Variants in YAP1 observed in about 807,000 individuals in gnomAD.
The protein encoded by YAP1 is Yes1 associated transcriptional regulator.
In YAP1, 5 loss-of-function variants were observed where a neutral mutation model predicts 56.9. The ratio of observed to expected loss-of-function variants is 0.09; its 90% confidence interval spans 0.05 to 0.18. YAP1 has a LOEUF of 0.18. YAP1 is among the 10% of genes least tolerant of loss of function. The probability of loss-of-function intolerance (pLI) is 1.00; values close to 1 mark genes in which losing one functional copy is unlikely to be tolerated. For synonymous variants in YAP1, 265 were observed against 248.1 expected (o/e 1.07, Z -0.64); for missense variants, 539 against 651.8 (o/e 0.83, Z 1.88).
Position 102,110,634 on chromosome 11 carries a change from G to C in YAP1, c.-215G>C, listed in dbSNP as rs1942828681. On this transcript the variant is annotated 5_prime_UTR_variant, in exon 1 of 9. Transcript: ENST00000282441. ...TCGCAGCCCCTCCCGAGGCGCAGCCGCCAGACCAGTGGAGCCGGGGCGCAG... is the reference window on the plus strand; with the variant it reads ...TCGCAGCCCCTCCCGAGGCGCAGCCCCCAGACCAGTGGAGCCGGGGCGCAG... 1 of 279,966 alleles carries C rather than the reference G, an allele frequency of 3.6e-6. No individual in the cohort carries two copies. The highest frequency in any genetic ancestry group is 1.6e-4 in the South Asian group (1 of 6,336). The allele number at this position is 279,966 out of a possible 1,614,324, so 17.3% of individuals were successfully genotyped here.
rs571365925 is a variant in YAP1 at position 102,198,651 on chromosome 11, G to C, written c.803-7242G>C. 1.2e-4 allele frequency among the ~76,000 whole-genome samples: 18 copies of C among 152,030 alleles called. No individual in the cohort carries two copies. The East Asian group carries it at 3.5e-3, about 29-fold the overall frequency. On this transcript the variant is annotated intron_variant, in intron 4 of 8. Coordinates refer to ENST00000282441, the MANE Select transcript of YAP1 (RefSeq NM_001130145.3). The stretch of plus-strand genomic sequence containing the variant: ...TTGGTGTTTTGCTTTTTTATTGCTT[G>C]GAACCAAAAACACTTTTCCCCAATA...
At chr11:102,229,622 C>A in intron 8 of YAP1, 80 bp from the exon 9 acceptor site, 2 of 1,332,448 alleles carry the variant, frequency 1.5e-6, no homozygotes, top group African/African-American at 1.5e-5. Flanking sequence ...TTTCCCTGTG[C>A]ATTTCTCTGT....
At position 102,225,762 on chromosome 11, in the gene YAP1, A is replaced by G. The variant is rs560597627; in HGVS notation, c.1164-1707A>G. Reference sequence around the variant, plus strand: ...ATCTGAGTTCATATAGCCCCTAAATATGATTCATTAGTATATTTGTTCATT... The same window carrying G: ...ATCTGAGTTCATATAGCCCCTAAATGTGATTCATTAGTATATTTGTTCATT... On this transcript the variant is annotated intron_variant, in intron 7 of 8. Transcript: ENST00000282441. Among the ~76,000 whole-genome samples, 4 of 152,276 alleles carry G rather than the reference A, an allele frequency of 2.6e-5. No individual in the cohort carries two copies. In the South Asian group the frequency reaches 8.3e-4, roughly 32 times the overall value.
At chr11:102,145,599 A>G (rs1945279952) in intron 2 of YAP1, among the ~76,000 whole-genome samples, 1 of 152,234 alleles carries the variant, frequency 6.6e-6, no homozygotes. Flanking sequence ...TATTGAACTG[A>G]GAAAAAAATT....
intron 2 of YAP1, among the ~76,000 whole-genome samples, chr11:102,144,384 T>G (rs1945199019): frequency 6.6e-6 from 1 of 152,218 alleles, no homozygotes; most frequent in Non-Finnish European, 1.5e-5. Flanking sequence ...GTAAAGAAAG[T>G]TACCTTATGC....
chr11:102,165,779 A>C (rs577460789), intron 3 of YAP1, among the ~76,000 whole-genome samples: 2 of 152,238 alleles, frequency 1.3e-5, no homozygotes, highest in South Asian at 4.1e-4. Flanking sequence ...GATAACTGAC[A>C]GATAGGATAA....
chr11:102,212,504 T>C (rs903618418), intron 6 of YAP1, among the ~76,000 whole-genome samples: 1 of 152,236 alleles, frequency 6.6e-6, no homozygotes, highest in Non-Finnish European at 1.5e-5. Context: ...ATTATCACCT[T>C]AATTTATTAT....
At chr11:102,215,091 T>C (rs1323747643) in intron 6 of YAP1, among the ~76,000 whole-genome samples, 1 of 152,232 alleles carries the variant, frequency 6.6e-6, no homozygotes, top group Non-Finnish European at 1.5e-5. Flanking sequence ...TTAATGACTT[T>C]AGAAATAATA....
In YAP1 at chr11:102,114,337, C is replaced by G; in HGVS notation, c.515C>G (p.Pro172Arg). Residue 172 changes from proline (P) to arginine (R), a missense_variant, in exon 2 of 9, where the codon CCT (proline) becomes CGT (arginine). Transcript: ENST00000282441. ...TCTTTTGAGATACCTGATGATGTAC[C>G]TCTGCCAGCAGGTTGGGAGATGGCA... ...QSSFEIPDDVPLPAGWEMAKT... is the reference protein window; with the variant it reads ...QSSFEIPDDVRLPAGWEMAKT... 1 of 1,614,152 alleles carries G rather than the reference C, an allele frequency of 6.2e-7. No individual in the cohort carries two copies. Among genetic ancestry groups the G allele is most frequent in the Non-Finnish European group, 8.5e-7 (1 of 1,180,002 alleles).
intron 2 of YAP1, among the ~76,000 whole-genome samples, chr11:102,156,732 C>T (rs567760153): frequency 2.6e-5 from 4 of 152,244 alleles, no homozygotes; most frequent in South Asian, 2.1e-4. Flanking sequence ...TTTTGCTGAA[C>T]GTAACTTCAG....
At chr11:102,151,409 T>G (rs1945650602) in intron 2 of YAP1, among the ~76,000 whole-genome samples, 1 of 152,232 alleles carries the variant, frequency 6.6e-6, no homozygotes, top group South Asian at 2.1e-4. Flanking sequence ...TTATAGATTA[T>G]TCAGCATTGC....
At chr11:102,193,381 A>G (rs985565973) in intron 4 of YAP1, among the ~76,000 whole-genome samples, 1 of 152,154 alleles carries the variant, frequency 6.6e-6, no homozygotes, top group Admixed American at 6.5e-5. Context: ...CTTTAGTTGT[A>G]TTCCTCTGTC....
intron 3 of YAP1, among the ~76,000 whole-genome samples, chr11:102,165,442 A>C (rs1565220820): frequency 6.6e-6 from 1 of 152,194 alleles, no homozygotes; most frequent in East Asian, 1.9e-4. Context: ...ATGCATATAC[A>C]TGTCTAAATA....
intron 3 of YAP1, among the ~76,000 whole-genome samples, chr11:102,170,902 G>A (rs1267013700): frequency 6.6e-6 from 1 of 150,496 alleles, no homozygotes; most frequent in Non-Finnish European, 1.5e-5. Context: ...TCGGGAGGCA[G>A]AGGTTGCAGA....
intron 3 of YAP1, among the ~76,000 whole-genome samples, chr11:102,167,920 G>A (rs936149129): frequency 6.6e-6 from 1 of 152,132 alleles, no homozygotes; most frequent in African/African-American, 2.4e-5. Context: ...CCACACACCT[G>A]TGGTGCTAGC....
intron 3 of YAP1, among the ~76,000 whole-genome samples, chr11:102,169,401 T>C (rs1466332500): frequency 1.3e-5 from 2 of 152,224 alleles, no homozygotes; most frequent in South Asian, 2.1e-4. Flanking sequence ...ATTGAGGTCA[T>C]TGGCTCTTCC....
intron 6 of YAP1, among the ~76,000 whole-genome samples, chr11:102,214,792 A>G (rs1341094559): frequency 6.6e-6 from 1 of 152,170 alleles, no homozygotes; most frequent in Non-Finnish European, 1.5e-5. Context: ...TGTTATTTGA[A>G]CAGTGCCATA....
chr11:102,204,229 GAA>G lies in YAP1; in HGVS notation c.803-1650_803-1649del, dbSNP rs781528022. Among the ~76,000 whole-genome samples the G allele has an allele frequency of 9.0e-4, 104 of 115,982 alleles. 1 individual carries two copies. In the Middle Eastern group the frequency reaches 0.014, roughly 15 times the overall value. The allele number at this position is 115,982 out of a possible 152,430, so 76.1% of individuals were successfully genotyped here. On this transcript the variant is annotated intron_variant, in intron 4 of 8. Transcript: ENST00000282441. ...GGCAACATAGTAAGACAGAAAAGGG[GAA>G]AAAAAAAAAAAAAGGTGTGCTAATG...
At chr11:102,172,438 A>G (rs1162730249) in intron 3 of YAP1, among the ~76,000 whole-genome samples, 3 of 145,860 alleles carry the variant, frequency 2.1e-5, no homozygotes, top group Non-Finnish European at 4.5e-5. Context: ...CAGCCTCCCA[A>G]GTAGCTGGGA....
Sources: gnomAD v4.1 joint callset for allele counts (sites outside exome capture counted in the v4.1 genomes callset) on GRCh38, gnomAD v4.1.1 for gene constraint, MANE v1.5 for transcripts, NCBI Gene and HGNC (gene_info 2026-07-23, HGNC 2026-07-21) for gene names.